Variants in CFAP47 observed in about 807,000 individuals in gnomAD.
The protein encoded by CFAP47 is cilia- and flagella-associated protein 47.
In CFAP47, 29 loss-of-function variants were observed where a neutral mutation model predicts 148.1. The observed-to-expected ratio is 0.20, with a 90% CI of 0.15 to 0.27. The LOEUF (loss-of-function observed/expected upper bound fraction) is 0.27, where lower values mean the gene tolerates loss of function less well. Ranked by LOEUF, CFAP47 falls within the 10% of genes least tolerant of loss-of-function variation. The pLI is 1.00. For missense variants in CFAP47, 1,872 were observed against 1,697.5 expected (o/e 1.10, Z -1.81); for synonymous variants, 664 against 577.3 (o/e 1.15, Z -2.15).
intron 50 of CFAP47, among the ~76,000 whole-genome samples, chrX:36,282,539 A>G (rs1941090201): frequency 9.0e-6 from 1 of 111,601 alleles, no homozygotes; most frequent in South Asian, 3.7e-4. Flanking sequence ...AGGTCTTTTC[A>G]TATCCTTACT....
intron 29 of CFAP47, among the ~76,000 whole-genome samples, chrX:36,081,333 T>G (rs2146772207): frequency 9.0e-6 from 1 of 111,350 alleles, no homozygotes; most frequent in South Asian, 3.7e-4. Context: ...AATATTGATT[T>G]CAAAAATTAA....
chrX:36,354,647 C>T (rs782079628), intron 60 of CFAP47, among the ~76,000 whole-genome samples: 43 of 110,524 alleles, frequency 3.9e-4, no homozygotes, highest in Non-Finnish European at 7.4e-4. Flanking sequence ...ACCCTCCAAA[C>T]ACCCACAAAC....
intron 8 of CFAP47, among the ~76,000 whole-genome samples, chrX:35,958,579 G>A (rs1185190886): frequency 1.8e-5 from 2 of 111,577 alleles, no homozygotes; most frequent in African/African-American, 3.3e-5. Flanking sequence ...ATCCCAATGG[G>A]TACAAAGTGG....
Position 36,004,851 on chromosome X carries a change from C to A in CFAP47, c.3417+3144C>A, listed in dbSNP as rs151249610. Reference sequence around the variant, plus strand: ...TTACTAAAAACCATTGAATTGTACCCTTTTGGTGAAATATATCTCAATACA... The same window carrying A: ...TTACTAAAAACCATTGAATTGTACCATTTTGGTGAAATATATCTCAATACA... On this transcript the variant is annotated intron_variant, in intron 21 of 63. Transcript: ENST00000378653. 5.0e-3 allele frequency among the ~76,000 whole-genome samples: 557 copies of A among 110,708 alleles called. 4 individuals carry two copies. Among genetic ancestry groups the A allele is most frequent in the African/African-American group, 0.017 (504 of 30,533 alleles).
intron 45 of CFAP47, among the ~76,000 whole-genome samples, chrX:36,207,058 T>C (rs1336615883): frequency 8.9e-6 from 1 of 111,838 alleles, no homozygotes; most frequent in Admixed American, 9.5e-5. Flanking sequence ...TAACTCAGGA[T>C]AGTAACAAAT....
At chrX:36,292,634 T>C (rs782605792) in intron 51 of CFAP47, among the ~76,000 whole-genome samples, 11 of 111,791 alleles carry the variant, frequency 9.8e-5, no homozygotes, top group Non-Finnish European at 1.9e-4. Context: ...ATAATCTTTA[T>C]TTATTCTGAC....
intron 2 of CFAP47, among the ~76,000 whole-genome samples, chrX:35,940,659 T>TC (rs1359743057): frequency 9.0e-6 from 1 of 110,868 alleles, no homozygotes; most frequent in Non-Finnish European, 1.9e-5. Flanking sequence ...TTTTTCTCTC[T>TC]CCCCCGCTCT....
intron 8 of CFAP47, among the ~76,000 whole-genome samples, chrX:35,957,398 A>G (rs1278567460): frequency 9.0e-6 from 1 of 111,075 alleles, no homozygotes; most frequent in Non-Finnish European, 1.9e-5. Flanking sequence ...GCAGTGATGC[A>G]GTTCATAAAG....
intron 51 of CFAP47, among the ~76,000 whole-genome samples, chrX:36,294,743 A>T (rs1941226256): frequency 9.0e-6 from 1 of 111,248 alleles, no homozygotes. Context: ...ATAAAAAATA[A>T]ATAAATATGT....
chrX:36,311,654 T>C (rs1283202535), intron 56 of CFAP47, among the ~76,000 whole-genome samples: 2 of 110,957 alleles, frequency 1.8e-5, no homozygotes, highest in African/African-American at 6.5e-5. Context: ...ATTTTATGGT[T>C]TTTTATATAA....
At chrX:36,103,514 A>AC (rs1938412918) in intron 32 of CFAP47, among the ~76,000 whole-genome samples, 1 of 101,823 alleles carries the variant, frequency 9.8e-6, no homozygotes, top group African/African-American at 3.6e-5. Context: ...AAAAAAAAAA[A>AC]AAAAAAAAAA....
chrX:35,990,577 C>T (rs1392508929), intron 16 of CFAP47, among the ~76,000 whole-genome samples: 1 of 111,390 alleles, frequency 9.0e-6, no homozygotes, highest in Non-Finnish European at 1.9e-5. Context: ...CTAGTAGAAA[C>T]ATGCCTGAAT....
Position 36,138,259 on chromosome X carries a change from A to C in CFAP47, c.5419-89A>C, listed in dbSNP as rs2146830891. The C allele has an allele frequency of 3.4e-6, 3 of 893,874 alleles. No homozygotes were observed. The East Asian group carries it at 1.1e-4, about 34-fold the overall frequency. The allele number at this position is 893,874 out of a possible 1,213,427, so 73.7% of individuals were successfully genotyped here. A position where few individuals can be genotyped will look rare whatever the true frequency, so the allele number is the denominator to read the frequency against. ...TTATTACTGACAAATATTAATATTT[A>C]AATGATTCTTTGCCTAACTATAGAG... On this transcript the variant is annotated intron_variant, in intron 34 of 63. Coordinates refer to ENST00000378653, the MANE Select transcript of CFAP47 (RefSeq NM_001304548.2).
intron 61 of CFAP47, among the ~76,000 whole-genome samples, chrX:36,362,069 T>C (rs1556019372): frequency 8.9e-6 from 1 of 112,160 alleles, no homozygotes; most frequent in African/African-American, 3.2e-5. Context: ...AAACACTATA[T>C]GATATTTCAC....
intron 55 of CFAP47, among the ~76,000 whole-genome samples, chrX:36,307,476 C>G (rs1193529256): frequency 9.0e-6 from 1 of 111,082 alleles, no homozygotes; most frequent in Non-Finnish European, 1.9e-5. Flanking sequence ...GAGGTGTGAC[C>G]TGAATCCAGG....
rs781847936 is a variant in CFAP47 at position 36,237,369 on chromosome X, G to T, written c.7332+510G>T. On this transcript the variant is annotated intron_variant, in intron 48 of 63. Transcript: ENST00000378653. Reference sequence around the variant, plus strand: ...TATTTTATTTTATTTTTTGTCTGTTGCTCAGGTTGGAGGCCAGTGGTATGA... The same window carrying T: ...TATTTTATTTTATTTTTTGTCTGTTTCTCAGGTTGGAGGCCAGTGGTATGA... 2.7e-5 allele frequency among the ~76,000 whole-genome samples: 3 copies of T among 110,582 alleles called. No homozygotes were observed. The South Asian group carries it at 1.1e-3, about 41-fold the overall frequency.
At chrX:36,312,122 T>C (rs1410490340) in intron 56 of CFAP47, among the ~76,000 whole-genome samples, 1 of 110,523 alleles carries the variant, frequency 9.0e-6, no homozygotes, top group African/African-American at 3.3e-5. Flanking sequence ...GTTAAAGATA[T>C]AAACGAGGTA....
At chrX:36,231,395 A>C (rs1940357138) in intron 46 of CFAP47, among the ~76,000 whole-genome samples, 1 of 107,436 alleles carries the variant, frequency 9.3e-6, no homozygotes, top group Admixed American at 1.0e-4. Context: ...GAGTTCACTC[A>C]TGATTTGGCT....
chrX:35,969,702 T>G lies in CFAP47; in HGVS notation c.1815-1066T>G, dbSNP rs12858879. Among the ~76,000 whole-genome samples, 5 of 111,527 alleles carry G rather than the reference T, an allele frequency of 4.5e-5. No individual in the cohort carries two copies. In the Admixed American group the frequency reaches 4.8e-4, roughly 11 times the overall value. On this transcript the variant is annotated intron_variant, in intron 10 of 63. Transcript: ENST00000378653. ...AATTATTTCTAGGTTCTAAAGGTGG[T>G]TAAGTGTCTCAGATCTTGAAGGAAA...
Sources: gnomAD v4.1 joint callset for allele counts (sites outside exome capture counted in the v4.1 genomes callset) on GRCh38, gnomAD v4.1.1 for gene constraint, MANE v1.5 for transcripts, NCBI Gene and HGNC (gene_info 2026-07-23, HGNC 2026-07-21) for gene names.